Variants in FAM131B observed in about 807,000 individuals in gnomAD.
The protein encoded by FAM131B is family with sequence similarity 131 member B.
Under a neutral mutation model 42.0 loss-of-function variants are expected in FAM131B, and 19 were observed. That is an observed-to-expected ratio of 0.45 (90% CI 0.32 to 0.66). The LOEUF (loss-of-function observed/expected upper bound fraction) is 0.66, where lower values mean the gene tolerates loss of function less well. Ranked by LOEUF, FAM131B falls within the 30% of genes least tolerant of loss-of-function variation. FAM131B has a pLI of 0.05. For synonymous variants in FAM131B, 183 were observed against 177.6 expected (o/e 1.03, Z -0.24); for missense variants, 370 against 468.4 (o/e 0.79, Z 1.94).
At position 143,362,065 on chromosome 7, in the gene FAM131B, A is replaced by G; in HGVS notation, c.28+511T>C. 1.0e-6 allele frequency: 1 copy of G among 984,800 alleles called. No homozygotes were observed. The highest frequency in any genetic ancestry group is 1.2e-6 in the Non-Finnish European group (1 of 829,378). The allele number at this position is 984,800 out of a possible 1,614,324, so 61.0% of individuals were successfully genotyped here. ...CAGGAACGACAGTAAAAGGCAACGG[A>G]GAGGGAGAGAGAGATGGGGCAAAGC... On this transcript the variant is annotated intron_variant, in intron 1 of 6. Coordinates refer to ENST00000443739, the MANE Select transcript of FAM131B (RefSeq NM_001031690.3). The surrounding 1 kb of genome is among the most constrained non-coding windows in gnomAD (Gnocchi z 7.7).
the FAM131B span, chr7:143,380,753 A>T: frequency 8.1e-6 from 8 of 985,104 alleles, no homozygotes; most frequent in African/African-American, 1.7e-5. This position sits in a 1 kb window ranked among gnomAD's most constrained non-coding sequence, Gnocchi z 5.0. Context: ...GGGTGCTGGG[A>T]GGGAGAACGC....
At chr7:143,379,905 A>T in the FAM131B span, 1 of 246,528 alleles carries the variant, frequency 4.1e-6, no homozygotes, top group Non-Finnish European at 6.5e-6. Context: ...CACCAGTTTC[A>T]GTTTAGATCC....
the FAM131B span, among the ~76,000 whole-genome samples, chr7:143,376,123 C>A: frequency 1.3e-5 from 2 of 152,180 alleles, no homozygotes; most frequent in Non-Finnish European, 2.9e-5. Context: ...TATGTAGATT[C>A]TGGTTCCCTG....
At chr7:143,371,755 G>T in the FAM131B span, among the ~76,000 whole-genome samples, 1 of 152,200 alleles carries the variant, frequency 6.6e-6, no homozygotes, top group Admixed American at 6.5e-5. Flanking sequence ...GGCTATGATG[G>T]AGATAATGGG....
chr7:143,359,363 G>A lies in FAM131B; in HGVS notation c.231C>T (p.Ala77=). 1 of 1,613,896 alleles carries A rather than the reference G, an allele frequency of 6.2e-7. No homozygotes were observed. The highest frequency in any genetic ancestry group is 8.5e-7 in the Non-Finnish European group (1 of 1,179,978). Residue 77 remains alanine, a synonymous_variant, in exon 4 of 7, where the codon GCC becomes GCT. Transcript: ENST00000443739. The surrounding 1 kb of genome is among the most constrained non-coding windows in gnomAD (Gnocchi z 5.4). ...ACTTGGCCAGGGCCCCAATGCCATA[G>A]GCGTTAGAGTTTCGCTTAAGCTTCG... ...ILPKLKRNSN[A]YGIGALAKSS...
upstream of FAM131B, among the ~76,000 whole-genome samples, chr7:143,363,332 G>A (rs1432185347): frequency 1.3e-5 from 2 of 152,184 alleles, no homozygotes; most frequent in African/African-American, 4.8e-5. Flanking sequence ...GTGTGGGGAT[G>A]TGCAGATAGT....
At chr7:143,367,410 GA>G (rs1804204921), upstream of FAM131B, among the ~76,000 whole-genome samples, 1 of 152,098 alleles carries the variant, frequency 6.6e-6, no homozygotes, top group South Asian at 2.1e-4. Flanking sequence ...CTTTTAGTTA[GA>G]AAAGAAAGCT....
chr7:143,375,649 G>T, the FAM131B span, among the ~76,000 whole-genome samples: 2 of 152,174 alleles, frequency 1.3e-5, no homozygotes, highest in Non-Finnish European at 2.9e-5. Context: ...AAGTGGAGGT[G>T]GGGGAGCAAC....
chr7:143,380,995 A>T, the FAM131B span: 1 of 267,626 alleles, frequency 3.7e-6, no homozygotes, highest in Non-Finnish European at 5.8e-6. This position sits in a 1 kb window ranked among gnomAD's most constrained non-coding sequence, Gnocchi z 5.0. Context: ...ACGGTGAGTC[A>T]GATCTCGGGC....
At chr7:143,381,714 C>G in the FAM131B span, 1 of 1,602,706 alleles carries the variant, frequency 6.2e-7, no homozygotes, top group Non-Finnish European at 8.5e-7. Flanking sequence ...GAGCCTCCCC[C>G]GGCACCCGGG....
the FAM131B span, chr7:143,381,495 C>G: frequency 6.7e-7 from 1 of 1,497,738 alleles, no homozygotes; most frequent in African/African-American, 1.4e-5. Flanking sequence ...CCAAGGGGAG[C>G]TGGGACCGCC....
In FAM131B at chr7:143,355,510, C is replaced by T. The variant is rs751021839; in HGVS notation, c.*1040G>A. 1 of 152,598 alleles carries T rather than the reference C, an allele frequency of 6.6e-6. No individual in the cohort carries two copies. The highest frequency in any genetic ancestry group is 1.5e-5 in the Non-Finnish European group (1 of 68,078). The allele number at this position is 152,598 out of a possible 1,614,324, so 9.5% of individuals were successfully genotyped here. A position where few individuals can be genotyped will look rare whatever the true frequency, so the allele number is the denominator to read the frequency against. On this transcript the variant is annotated 3_prime_UTR_variant, in exon 7 of 7. Transcript: ENST00000443739. This position sits in a 1 kb window ranked among gnomAD's most constrained non-coding sequence, Gnocchi z 4.1. Reference sequence around the variant, plus strand: ...AGGGAGTGACAGCACCGGACTCCTCCCTCCACTCCACTCAACCCTGAGTGC... The same window carrying T: ...AGGGAGTGACAGCACCGGACTCCTCTCTCCACTCCACTCAACCCTGAGTGC...
chr7:143,381,344 C>T, the FAM131B span: 1 of 1,147,000 alleles, frequency 8.7e-7, no homozygotes, highest in Non-Finnish European at 1.1e-6. Context: ...CGGACCGGGA[C>T]GCAGAGTCTG....
chr7:143,373,346 C>T, the FAM131B span, among the ~76,000 whole-genome samples: 2 of 152,190 alleles, frequency 1.3e-5, no homozygotes, highest in Admixed American at 6.5e-5. Flanking sequence ...CACACCACTG[C>T]ACTCCAGCCT....
the FAM131B span, chr7:143,381,319 G>A: frequency 8.9e-7 from 1 of 1,119,724 alleles, no homozygotes; most frequent in Non-Finnish European, 1.1e-6. Flanking sequence ...CTCCCCGCCC[G>A]GCTGGAGGCT....
At chr7:143,379,438 A>T in the FAM131B span, among the ~76,000 whole-genome samples, 2 of 152,256 alleles carry the variant, frequency 1.3e-5, no homozygotes, top group Non-Finnish European at 2.9e-5. Context: ...ACTGGTGGTG[A>T]CAAAGACAAT....
chr7:143,378,719 C>T, the FAM131B span, among the ~76,000 whole-genome samples: 1 of 152,024 alleles, frequency 6.6e-6, no homozygotes, highest in African/African-American at 2.4e-5. Flanking sequence ...TGGGACTACA[C>T]GCTCCCGCCA....
At chr7:143,372,024 T>C in the FAM131B span, among the ~76,000 whole-genome samples, 2 of 152,108 alleles carry the variant, frequency 1.3e-5, no homozygotes, top group Admixed American at 6.5e-5. Flanking sequence ...CAGCTATGCA[T>C]GAGGATGTGG....
chr7:143,358,227 C>T lies in FAM131B; in HGVS notation c.466+600G>A, dbSNP rs1256178406. The stretch of plus-strand genomic sequence containing the variant: ...ATATTTCTCCTCCCACCCATACCAC[C>T]AACTCAATACTTCCTTTCTCTTCCA... On this transcript the variant is annotated intron_variant, in intron 5 of 6. Transcript: ENST00000443739. The surrounding 1 kb of genome is among the most constrained non-coding windows in gnomAD (Gnocchi z 4.7). 6.6e-6 allele frequency among the ~76,000 whole-genome samples: 1 copy of T among 152,166 alleles called. No homozygotes were observed. The highest frequency in any genetic ancestry group is 1.5e-5 in the Non-Finnish European group (1 of 68,030).
Sources: gnomAD v4.1 joint callset for allele counts (sites outside exome capture counted in the v4.1 genomes callset) on GRCh38, gnomAD v4.1.1 for gene constraint, Gnocchi (gnomAD v3.1) non-coding constraint, MANE v1.5 for transcripts, NCBI Gene and HGNC (gene_info 2026-07-23, HGNC 2026-07-21) for gene names.